SLCO5A1: variants seen among roughly 807,000 people sequenced by gnomAD.
SLCO5A1 encodes organic anion transporter polypeptide-related protein 4.
In SLCO5A1, 39 loss-of-function variants were observed where a neutral mutation model predicts 65.1. The ratio of observed to expected loss-of-function variants is 0.60; its 90% CI spans 0.46 to 0.78. The LOEUF (loss-of-function observed/expected upper bound fraction) is 0.78. Among genes scored for constraint, SLCO5A1 ranks in the 30% least tolerant of loss-of-function variants. The pLI, the probability that SLCO5A1 is intolerant of heterozygous loss-of-function variation, is 0.00. For missense variants in SLCO5A1, 1,029 were observed against 1,069.4 expected (o/e 0.96, Z 0.53); for synonymous variants, 438 against 415.7 (o/e 1.05, Z -0.65).
At chr8:69,814,815 C>T (rs371953214) in intron 2 of SLCO5A1, among the ~76,000 whole-genome samples, 4 of 150,984 alleles carry the variant, frequency 2.6e-5, no homozygotes, top group South Asian at 4.2e-4. Context: ...AACTATTCCA[C>T]CTTAAAAAAA....
intron 2 of SLCO5A1, among the ~76,000 whole-genome samples, chr8:69,814,627 C>G (rs1281767305): frequency 3.3e-5 from 5 of 152,086 alleles, no homozygotes. Flanking sequence ...ATAGAATTAC[C>G]GTATGATCCA....
chr8:69,734,320 T>C (rs1172937798), intron 5 of SLCO5A1, among the ~76,000 whole-genome samples: 1 of 152,168 alleles, frequency 6.6e-6, no homozygotes, highest in African/African-American at 2.4e-5. Context: ...AAGCTGGTCC[T>C]CCACAGGAAA....
Position 69,668,496 on chromosome 8 carries a change from T to A in SLCO5A1, c.*4373A>T, listed in dbSNP as rs1813242390. The A allele has an allele frequency of 6.6e-6, 1 of 152,176 alleles. No homozygotes were observed. The highest frequency in any genetic ancestry group is 2.4e-5 in the African/African-American group (1 of 41,432). The allele number at this position is 152,176 out of a possible 1,614,324, so 9.4% of individuals were successfully genotyped here. A position where few individuals can be genotyped will look rare whatever the true frequency, so the allele number is the denominator to read the frequency against. Reference sequence around the variant, plus strand: ...ATAGTTATATTCATGTGCTGTGTCATCTCTGATGTTTTAAGTACATACACG... The same window carrying A: ...ATAGTTATATTCATGTGCTGTGTCAACTCTGATGTTTTAAGTACATACACG... On this transcript the variant is annotated 3_prime_UTR_variant, in exon 10 of 10. Coordinates refer to ENST00000260126, the MANE Select transcript of SLCO5A1 (RefSeq NM_030958.3).
At chr8:69,800,995 A>G (rs2130902927) in intron 2 of SLCO5A1, among the ~76,000 whole-genome samples, 1 of 152,234 alleles carries the variant, frequency 6.6e-6, no homozygotes. Context: ...AACAGATAAT[A>G]ATGGAACTTA....
intron 2 of SLCO5A1, 68 bp downstream of exon 2, chr8:69,831,699 T>C: frequency 6.8e-7 from 1 of 1,461,204 alleles, no homozygotes; most frequent in Non-Finnish European, 9.3e-7. Flanking sequence ...ATGTTTCCTT[T>C]TGATTTTTGT....
intron 5 of SLCO5A1, among the ~76,000 whole-genome samples, chr8:69,732,657 G>A (rs1400664070): frequency 1.3e-5 from 2 of 152,148 alleles, no homozygotes; most frequent in South Asian, 2.1e-4. Context: ...TGAGCAGGGA[G>A]AGGCGGGCAG....
chr8:69,761,369 G>A (rs375582818), intron 3 of SLCO5A1: 21 of 190,316 alleles, frequency 1.1e-4, no homozygotes, highest in Non-Finnish European at 1.9e-4. Context: ...TTTGCTCGCA[G>A]CCCCTTCCTC....
intron 5 of SLCO5A1, among the ~76,000 whole-genome samples, chr8:69,722,889 T>C (rs1435660925): frequency 6.6e-6 from 1 of 152,152 alleles, no homozygotes; most frequent in Non-Finnish European, 1.5e-5. Flanking sequence ...TCAATGAATT[T>C]GGCTGATACA....
chr8:69,814,723 T>C (rs1396643283), intron 2 of SLCO5A1, among the ~76,000 whole-genome samples: 2 of 152,124 alleles, frequency 1.3e-5, no homozygotes, highest in Non-Finnish European at 2.9e-5. Context: ...ATATTTGCAT[T>C]CCCATGTTCA....
intron 5 of SLCO5A1, among the ~76,000 whole-genome samples, chr8:69,734,260 CT>C (rs1816460220): frequency 6.6e-6 from 1 of 152,198 alleles, no homozygotes; most frequent in Non-Finnish European, 1.5e-5. Flanking sequence ...CTCCACCCTC[CT>C]TTGCCACTAG....
chr8:69,766,092 C>T (rs1818048810), intron 2 of SLCO5A1, among the ~76,000 whole-genome samples: 1 of 152,190 alleles, frequency 6.6e-6, no homozygotes, highest in Admixed American at 6.5e-5. Context: ...TGTTGGTTCT[C>T]CCATCAAATT....
chr8:69,747,389 A>G (rs879843457), intron 4 of SLCO5A1, among the ~76,000 whole-genome samples: 12 of 152,078 alleles, frequency 7.9e-5, no homozygotes, highest in Non-Finnish European at 1.2e-4. Flanking sequence ...TTCTGCATCC[A>G]TGGATTCAAC....
chr8:69,771,879 T>C (rs576038574), intron 2 of SLCO5A1, among the ~76,000 whole-genome samples: 1 of 152,324 alleles, frequency 6.6e-6, no homozygotes, highest in South Asian at 2.1e-4. Context: ...TAATTCAAGT[T>C]CTCTGATGAA....
At position 69,824,092 on chromosome 8, in the gene SLCO5A1, C is replaced by A. The variant is rs962841239; in HGVS notation, c.907+7675G>T. On this transcript the variant is annotated intron_variant, in intron 2 of 9. Transcript: ENST00000260126. ...TTTGAAACCAACGAGAACAAAGACA[C>A]AACATACCAGAATCTCTGGGACACA... Among the ~76,000 whole-genome samples, 68 of 151,926 alleles carry A rather than the reference C, an allele frequency of 4.5e-4. 1 individual carries two copies. The highest frequency in any genetic ancestry group is 3.2e-3 in the Middle Eastern group (1 of 316).
Position 69,672,789 on chromosome 8 carries a change from A to T in SLCO5A1, c.*80T>A. On this transcript the variant is annotated 3_prime_UTR_variant, in exon 10 of 10. Transcript: ENST00000260126. ...TCTGTAGAGGTTAAAAAAAAGAAAG[A>T]AAGAAAAGAAGGCACAGTTGTTTCT... 1 of 1,445,486 alleles carries T rather than the reference A, an allele frequency of 6.9e-7. No homozygotes were observed. Among genetic ancestry groups the T allele is most frequent in the Non-Finnish European group, 9.3e-7 (1 of 1,080,660 alleles). The allele number at this position is 1,445,486 out of a possible 1,614,324, so 89.5% of individuals were successfully genotyped here.
chr8:69,744,694 TTTA>T (rs1260611068), intron 4 of SLCO5A1, among the ~76,000 whole-genome samples: 1 of 152,240 alleles, frequency 6.6e-6, no homozygotes, highest in Non-Finnish European at 1.5e-5. Context: ...TTGGAATGCA[TTTA>T]TTAACATTCT....
chr8:69,757,524 CA>C (rs1233401351), intron 3 of SLCO5A1, among the ~76,000 whole-genome samples: 7 of 151,890 alleles, frequency 4.6e-5, no homozygotes, highest in Non-Finnish European at 8.8e-5. Context: ...ACTAAAAATA[CA>C]AAAATTAGCC....
chr8:69,716,185 G>C (rs1446258718), intron 5 of SLCO5A1, among the ~76,000 whole-genome samples: 1 of 152,122 alleles, frequency 6.6e-6, no homozygotes, highest in East Asian at 1.9e-4. Context: ...ACATTTCATT[G>C]CATTTCTAGA....
At chr8:69,764,455 A>G (rs945953571) in intron 2 of SLCO5A1, among the ~76,000 whole-genome samples, 2 of 152,186 alleles carry the variant, frequency 1.3e-5, no homozygotes, top group Non-Finnish European at 2.9e-5. Context: ...CTATTTCAAA[A>G]GAGAAAGCAC....
Sources: gnomAD v4.1 joint callset for allele counts (sites outside exome capture counted in the v4.1 genomes callset) on GRCh38, gnomAD v4.1.1 for gene constraint, MANE v1.5 for transcripts, NCBI Gene and HGNC (gene_info 2026-07-23, HGNC 2026-07-21) for gene names.